Variants in ZNF469 observed in about 807,000 individuals in gnomAD.
ZNF469 encodes the protein zinc finger protein 469.
ZNF469 carries 1 observed loss-of-function variant against 1.0 expected under a neutral mutation model. The ratio of observed to expected loss-of-function variants is 1.00; its 90% CI spans 0.35 to 4.73. The LOEUF (loss-of-function observed/expected upper bound fraction) is 4.73. Among genes scored for constraint, ZNF469 ranks in the 30% most tolerant of loss-of-function variants. The pLI is 0.16. For synonymous variants in ZNF469, 2,703 were observed against 2,363.4 expected (o/e 1.14, Z -4.17); for missense variants, 6,100 against 5,356.3 (o/e 1.14, Z -4.33).
intron 1 of ZNF469, among the ~76,000 whole-genome samples, chr16:88,413,505 G>A (rs1194101630): frequency 6.6e-6 from 1 of 152,246 alleles, no homozygotes; most frequent in African/African-American, 2.4e-5. Context: ...GGGCTCTGTG[G>A]CAGCCCTGCT....
Position 88,438,327 on chromosome 16 carries a change from G to A in ZNF469, c.10857G>A (p.Val3619=). 6.5e-7 allele frequency: 1 copy of A among 1,550,232 alleles called. No individual in the cohort carries two copies. Among genetic ancestry groups the A allele is most frequent in the Non-Finnish European group, 8.7e-7 (1 of 1,146,936 alleles). ...QDAEGKRAPL[V]FSGKRRAPGA... ...CGGAGGGAAAGAGGGCTCCTCTCGT[G>A]TTCTCAGGGAAACGCAGGGCCCCGG... Residue 3619 remains valine (V), a synonymous_variant, in exon 3 of 3, where the codon GTG becomes GTA. Coordinates refer to ENST00000565624, the MANE Select transcript of ZNF469 (RefSeq NM_001367624.2).
the ZNF469 span, among the ~76,000 whole-genome samples, chr16:88,344,801 G>A: frequency 6.6e-6 from 1 of 152,228 alleles, no homozygotes; most frequent in Non-Finnish European, 1.5e-5. Context: ...GTGTCCCAGA[G>A]GCGAGACCGG....
At chr16:88,128,889 G>A in the ZNF469 span, among the ~76,000 whole-genome samples, 3 of 152,200 alleles carry the variant, frequency 2.0e-5, no homozygotes, top group Non-Finnish European at 4.4e-5. Flanking sequence ...AACTCCCCTC[G>A]CCAGCATCTG....
the ZNF469 span, among the ~76,000 whole-genome samples, chr16:88,298,519 C>T: frequency 2.0e-5 from 3 of 152,222 alleles, no homozygotes; most frequent in African/African-American, 4.8e-5. Flanking sequence ...AAAATGTCTT[C>T]AGTTGTTTTA....
chr16:88,176,565 C>A, the ZNF469 span, among the ~76,000 whole-genome samples: 3 of 152,356 alleles, frequency 2.0e-5, no homozygotes, highest in East Asian at 5.8e-4. Flanking sequence ...CACACACCAC[C>A]CTCTCTCCCA....
At chr16:88,257,697 T>C in the ZNF469 span, among the ~76,000 whole-genome samples, 9 of 152,338 alleles carry the variant, frequency 5.9e-5, no homozygotes, top group Admixed American at 1.3e-4. Flanking sequence ...TGAAGGTCCA[T>C]GTCTAGATTC....
the ZNF469 span, among the ~76,000 whole-genome samples, chr16:88,328,791 CAGTG>C: frequency 6.6e-6 from 1 of 152,192 alleles, no homozygotes; most frequent in Non-Finnish European, 1.5e-5. Flanking sequence ...GCTTCCCACA[CAGTG>C]AGCACCACAC....
At chr16:88,137,803 G>T in the ZNF469 span, among the ~76,000 whole-genome samples, 1 of 152,192 alleles carries the variant, frequency 6.6e-6, no homozygotes, top group Non-Finnish European at 1.5e-5. Flanking sequence ...TGTTTGATAC[G>T]AGGCATGGTC....
At chr16:88,229,013 G>A in the ZNF469 span, among the ~76,000 whole-genome samples, 4 of 152,150 alleles carry the variant, frequency 2.6e-5, no homozygotes, top group Admixed American at 2.6e-4. Flanking sequence ...TAAGAGCTGA[G>A]CCATCTGCAG....
rs1343916326 is a variant in ZNF469, at chr16:88,433,482, G to A, written c.6012G>A (p.Glu2004=). The change falls in exon 3 of 3, where the codon GAG becomes GAA. Residue 2004 remains glutamate (E), a synonymous_variant. Transcript: ENST00000565624. The part of the protein sequence containing the change: ...GQGTANQLQP[E]NGVSPGGTDN... Reference sequence around the variant, plus strand: ...GCACAGCCAACCAGCTTCAGCCAGAGAACGGGGTGAGCCCAGGGGGCACGG... The same window carrying A: ...GCACAGCCAACCAGCTTCAGCCAGAAAACGGGGTGAGCCCAGGGGGCACGG... 3 of 1,550,434 alleles carry A rather than the reference G, an allele frequency of 1.9e-6. No homozygotes were observed. Among genetic ancestry groups the A allele is most frequent in the African/African-American group, 1.4e-5 (1 of 73,192 alleles).
At chr16:88,427,208 G>A (rs573668747) in intron 2 of ZNF469, among the ~76,000 whole-genome samples, 137 bp from the exon 3 acceptor site, 20 of 152,224 alleles carry the variant, frequency 1.3e-4, no homozygotes, top group Admixed American at 8.5e-4. Flanking sequence ...TTCTAAGCGC[G>A]GAGCTTCTGT....
At chr16:88,350,170 C>T in the ZNF469 span, among the ~76,000 whole-genome samples, 60 of 152,328 alleles carry the variant, frequency 3.9e-4, no homozygotes, top group African/African-American at 1.3e-3. Flanking sequence ...ACACTGTCCA[C>T]GTTTAAACAC....
chr16:88,430,450 C>A lies in ZNF469; in HGVS notation c.2980C>A (p.Pro994Thr). ...DGLGERPPPR[P>T]RRPRTQAPGS... ...TCTCGGGGAGCGGCCCCCACCCCGT[C>A]CCCGGCGCCCTAGAACGCAGGCCCC... The change falls in exon 3 of 3, where the codon CCC becomes ACC. Residue 994 changes from proline (P) to threonine (T), a missense_variant. Coordinates refer to ENST00000565624, the MANE Select transcript of ZNF469 (RefSeq NM_001367624.2). 1 of 1,495,000 alleles carries A rather than the reference C, an allele frequency of 6.7e-7. No homozygotes were observed. Among genetic ancestry groups the A allele is most frequent in the Non-Finnish European group, 8.9e-7 (1 of 1,127,842 alleles). The allele number at this position is 1,495,000 out of a possible 1,614,324, so 92.6% of individuals were successfully genotyped here.
chr16:88,185,539 CCA>C, the ZNF469 span, among the ~76,000 whole-genome samples: 3 of 128,664 alleles, frequency 2.3e-5, no homozygotes, highest in Non-Finnish European at 5.3e-5. Flanking sequence ...AGACCCACAC[CCA>C]CTCACATTCG....
In ZNF469 at chr16:88,424,546, T is replaced by C. The variant is rs148401167; in HGVS notation, c.-191-261T>C. Reference sequence around the variant, plus strand: ...TACATAAAGACCCAACAAAAAGAGATTTAAGATAGCCGTCAAAGCTGCAGC... The same window carrying C: ...TACATAAAGACCCAACAAAAAGAGACTTAAGATAGCCGTCAAAGCTGCAGC... On this transcript the variant is annotated intron_variant, in intron 1 of 2. Transcript: ENST00000565624. This position sits in a 1 kb window ranked among gnomAD's most constrained non-coding sequence, Gnocchi z 4.3. 5.1e-4 allele frequency among the ~76,000 whole-genome samples: 78 copies of C among 152,074 alleles called. No individual in the cohort carries two copies. The East Asian group carries it at 6.6e-3, about 13-fold the overall frequency.
chr16:88,255,479 G>C, the ZNF469 span, among the ~76,000 whole-genome samples: 1 of 152,186 alleles, frequency 6.6e-6, no homozygotes, highest in African/African-American at 2.4e-5. Flanking sequence ...CAGCAACATT[G>C]AGCAGAAGGT....
At chr16:88,262,662 G>A in the ZNF469 span, among the ~76,000 whole-genome samples, 758 of 152,142 alleles carry the variant, frequency 5.0e-3, 7 homozygotes, top group African/African-American at 0.017. The surrounding 1 kb of genome is among the most constrained non-coding windows in gnomAD (Gnocchi z 4.3). Flanking sequence ...CTGGGGTCCT[G>A]GGTCCCCACA....
chr16:88,239,707 ATATATATATTTTTTTTTTTTTTT>A, the ZNF469 span, among the ~76,000 whole-genome samples: 5 of 5,396 alleles, frequency 9.3e-4, 1 homozygote, highest in Non-Finnish European at 1.4e-3. Flanking sequence ...ATATATATAT[ATATATATATTTTTTTTTTTTTTT>A]TTTTTTTTTT....
Position 88,432,121 on chromosome 16 carries a change from G to T in ZNF469, c.4651G>T (p.Val1551Phe). Residue 1551 changes from valine (V) to phenylalanine (F), a missense_variant, in exon 3 of 3, where the codon GTT becomes TTT. Val to Phe is a conservative substitution (Grantham distance 50). Transcript: ENST00000565624. ...SLPGKGSGCS[V>F]ALMSHLSEDE... is the part of the protein sequence containing the mutation. ...GCCTGGGAAGGGGAGTGGATGTAGC[G>T]TTGCTCTTATGAGTCACCTGTCCGA... The T allele has an allele frequency of 1.3e-6, 2 of 1,550,418 alleles. No individual in the cohort carries two copies. The highest frequency in any genetic ancestry group is 1.7e-6 in the Non-Finnish European group (2 of 1,146,992).
Sources: allele counts gnomAD v4.1 joint callset (sites outside exome capture counted in the v4.1 genomes callset), GRCh38; gene constraint gnomAD v4.1.1; non-coding constraint Gnocchi (gnomAD v3.1); transcripts MANE v1.5; gene names NCBI Gene and HGNC (gene_info 2026-07-23, HGNC 2026-07-21).